The following MTHFD2L variants were observed in gnomAD, a reference collection of about 807,000 sequenced individuals.
MTHFD2L encodes bifunctional methylenetetrahydrofolate dehydrogenase/cyclohydrolase 2, mitochondrial.
In MTHFD2L, 29 loss-of-function variants were observed where a neutral mutation model predicts 34.9. The ratio of observed to expected loss-of-function variants is 0.83; its 90% CI spans 0.62 to 1.13. MTHFD2L has a LOEUF of 1.13. Ranked by LOEUF, MTHFD2L falls within the 50% of genes most tolerant of loss-of-function variation. The pLI is 0.00. For missense variants in MTHFD2L, 481 were observed against 446.5 expected (o/e 1.08, Z -0.70); for synonymous variants, 167 against 155.7 (o/e 1.07, Z -0.54).
intron 6 of MTHFD2L, among the ~76,000 whole-genome samples, chr4:74,258,117 T>C (rs1744253853): frequency 6.6e-6 from 1 of 152,126 alleles, no homozygotes; most frequent in South Asian, 2.1e-4. Flanking sequence ...AAGAAATCCT[T>C]GTTCTGTTAG....
At chr4:74,125,625 C>A (rs1722012550) in intron 1 of MTHFD2L, 1 of 152,040 alleles carries the variant, frequency 6.6e-6, no homozygotes. Flanking sequence ...AATGGAATCT[C>A]ACTTTTATTT....
intron 1 of MTHFD2L, among the ~76,000 whole-genome samples, chr4:74,169,588 A>G (rs369156635): frequency 1.9e-4 from 29 of 152,356 alleles, no homozygotes; most frequent in African/African-American, 7.0e-4. Context: ...ATCTGCTTCT[A>G]TAATAGTGTT....
At chr4:74,115,592 C>T (rs1721643651) in intron 2 of MTHFD2L, among the ~76,000 whole-genome samples, 1 of 152,206 alleles carries the variant, frequency 6.6e-6, no homozygotes, top group African/African-American at 2.4e-5. Context: ...CCTTCATGGG[C>T]AGAAATTAGG....
chr4:74,188,607 AAG>A (rs1731776707), intron 3 of MTHFD2L, among the ~76,000 whole-genome samples: 1 of 151,964 alleles, frequency 6.6e-6, no homozygotes, highest in African/African-American at 2.4e-5. Flanking sequence ...AAGGATTATG[AAG>A]AGAGTAGGAG....
chr4:74,158,076 CA>C, upstream of MTHFD2L: 4 of 1,531,986 alleles, frequency 2.6e-6, no homozygotes, highest in Non-Finnish European at 3.5e-6. Flanking sequence ...GCCAGGCCTC[CA>C]GCCGCGAGGA....
At chr4:74,202,198 C>T (rs1380936154) in intron 5 of MTHFD2L, among the ~76,000 whole-genome samples, 3 of 152,180 alleles carry the variant, frequency 2.0e-5, no homozygotes, top group Non-Finnish European at 2.9e-5. Flanking sequence ...CTTGGGTCAA[C>T]ACCACTAGAG....
At position 74,266,772 on chromosome 4, in the gene MTHFD2L, A is replaced by G. The variant is rs1451456596; in HGVS notation, c.806-14653A>G. 11 of 800,766 alleles carry G rather than the reference A, an allele frequency of 1.4e-5. No homozygotes were observed. The East Asian group carries it at 3.8e-4, about 27-fold the overall frequency. The allele number at this position is 800,766 out of a possible 1,614,324, so 49.6% of individuals were successfully genotyped here. A position where few individuals can be genotyped will look rare whatever the true frequency, so the allele number is the denominator to read the frequency against. On this transcript the variant is annotated intron_variant, in intron 6 of 7. Transcript: ENST00000325278. The stretch of plus-strand genomic sequence containing the variant: ...TCCTGTCTATCACTTTTCTGAGTCA[A>G]TCAGCACTGAATGCCTTAGCTGCTG...
chr4:74,270,787 A>G lies in MTHFD2L; in HGVS notation c.806-10638A>G, dbSNP rs1745877447. On this transcript the variant is annotated intron_variant, in intron 6 of 7. Transcript: ENST00000325278. ...GTTGAACTAGTTTACAGTCCCACCAACAGTGTCAAAGTGTTCCTATTTCTC... is the reference window on the plus strand; with the variant it reads ...GTTGAACTAGTTTACAGTCCCACCAGCAGTGTCAAAGTGTTCCTATTTCTC... Among the ~76,000 whole-genome samples the G allele has an allele frequency of 2.6e-5, 4 of 152,222 alleles. No homozygotes were observed. In the South Asian group the frequency reaches 6.2e-4, roughly 24 times the overall value.
Position 74,277,443 on chromosome 4 carries a change from C to G in MTHFD2L, c.806-3982C>G, listed in dbSNP as rs529529726. Among the ~76,000 whole-genome samples the G allele has an allele frequency of 1.4e-4, 22 of 151,984 alleles. No homozygotes were observed. In the South Asian group the frequency reaches 4.2e-3, roughly 29 times the overall value. ...GCCCCATTGTAGTTACTAGGATGCC[C>G]CATTCTAGAACTACAATGGGATAAA... On this transcript the variant is annotated intron_variant, in intron 6 of 7. Transcript: ENST00000325278.
intron 6 of MTHFD2L, among the ~76,000 whole-genome samples, chr4:74,272,673 T>C (rs566863661): frequency 6.6e-6 from 1 of 152,232 alleles, no homozygotes; most frequent in Non-Finnish European, 1.5e-5. Flanking sequence ...CTTATTTGAT[T>C]TTTGTGCCAA....
chr4:74,120,476 G>C (rs930947662), upstream of MTHFD2L, among the ~76,000 whole-genome samples: 4 of 152,148 alleles, frequency 2.6e-5, no homozygotes, highest in African/African-American at 9.7e-5. Flanking sequence ...AAACTCAATT[G>C]GTCATTTTGT....
chr4:74,261,413 A>G (rs1744668765), intron 6 of MTHFD2L, among the ~76,000 whole-genome samples: 1 of 152,226 alleles, frequency 6.6e-6, no homozygotes, highest in East Asian at 1.9e-4. Flanking sequence ...ATTGGAATAA[A>G]ACTAAACAGA....
chr4:74,286,155 C>A (rs1016386179), intron 7 of MTHFD2L, among the ~76,000 whole-genome samples: 1 of 152,136 alleles, frequency 6.6e-6, no homozygotes, highest in Non-Finnish European at 1.5e-5. Context: ...CAGCTTCTGA[C>A]AAATGCTTAA....
intron 1 of MTHFD2L, among the ~76,000 whole-genome samples, chr4:74,170,143 C>T (rs1323362715): frequency 3.9e-5 from 6 of 152,172 alleles, no homozygotes; most frequent in African/African-American, 1.4e-4. Flanking sequence ...AAGCTAGCAT[C>T]ATCCTGGTAT....
intron 1 of MTHFD2L, among the ~76,000 whole-genome samples, chr4:74,134,067 C>T (rs1072389): frequency 0.3 from 45,390 of 152,086 alleles, 8,392 homozygotes; most frequent in Admixed American, 0.44. Flanking sequence ...GGTTTCTGCA[C>T]TGAAAAACGT....
At chr4:74,176,720 G>C (rs1480577318) in intron 3 of MTHFD2L, among the ~76,000 whole-genome samples, 2 of 151,974 alleles carry the variant, frequency 1.3e-5, no homozygotes, top group Non-Finnish European at 2.9e-5. Flanking sequence ...TGGAGGACTA[G>C]TATTATTTAA....
chr4:74,265,065 CT>C (rs567799604), intron 6 of MTHFD2L, among the ~76,000 whole-genome samples: 29 of 149,592 alleles, frequency 1.9e-4, no homozygotes, highest in African/African-American at 5.4e-4. Flanking sequence ...AGAGTAAGAA[CT>C]TTTTTTTTTA....
At chr4:74,176,131 C>G (rs1200182678) in intron 3 of MTHFD2L, among the ~76,000 whole-genome samples, 1 of 151,896 alleles carries the variant, frequency 6.6e-6, no homozygotes, top group Non-Finnish European at 1.5e-5. Flanking sequence ...ATGTTGTTGT[C>G]TTTTTTATTA....
intron 5 of MTHFD2L, among the ~76,000 whole-genome samples, chr4:74,212,958 T>C (rs1179699355): frequency 6.6e-6 from 1 of 152,224 alleles, no homozygotes; most frequent in African/African-American, 2.4e-5. Context: ...TGCCCTTCTT[T>C]GTCTTTTGTG....
Sources: gnomAD v4.1 joint callset for allele counts (sites outside exome capture counted in the v4.1 genomes callset) on GRCh38, gnomAD v4.1.1 for gene constraint, MANE v1.5 for transcripts, NCBI Gene and HGNC (gene_info 2026-07-23, HGNC 2026-07-21) for gene names.